The following FGD4 variants were observed in gnomAD, a reference collection of about 807,000 sequenced individuals.
FGD4 encodes FYVE, RhoGEF and PH domain containing 4, also known as FYVE, RhoGEF and PH domain-containing protein 4.
In FGD4, 42 loss-of-function variants were observed where a neutral mutation model predicts 102.0. That is an observed-to-expected ratio of 0.41 (90% CI 0.32 to 0.53). The LOEUF (loss-of-function observed/expected upper bound fraction) is 0.53. Among genes scored for constraint, FGD4 ranks in the 20% least tolerant of loss-of-function variants. The probability of loss-of-function intolerance (pLI) is 0.21; values close to 1 mark genes in which losing one functional copy is unlikely to be tolerated. For synonymous variants in FGD4, 380 were observed against 375.7 expected, an observed-to-expected ratio of 1.01 and a Z score of -0.13; for missense variants, 902 against 1,078.2, an observed-to-expected ratio of 0.84 and a Z score of 2.29.
rs145389138 is a variant in FGD4 at position 32,640,345 on chromosome 12, C to G, written c.2524C>G (p.Leu842Val). 1.2e-6 allele frequency: 2 copies of G among 1,614,174 alleles called. No individual in the cohort carries two copies. Among genetic ancestry groups the G allele is most frequent in the African/African-American group, 2.7e-5 (2 of 75,034 alleles). The change falls in exon 17 of 17, where the codon CTG becomes GTG. Residue 842 changes from leucine to valine, a missense_variant. Coordinates refer to ENST00000534526, the MANE Select transcript of FGD4 (RefSeq NM_001370298.3). ...GGATGAAATGCCAAGGAGCGCAGAC[C>G]TGCCACACAGTTTCAAACTGACCCA... ...VVDEMPRSAD[L>V]PHSFKLTQSK...
intron 1 of FGD4, among the ~76,000 whole-genome samples, chr12:32,414,487 A>G (rs1385298274): frequency 6.6e-6 from 1 of 152,144 alleles, no homozygotes; most frequent in Non-Finnish European, 1.5e-5. Flanking sequence ...ATTATTGACT[A>G]TAGTCACCCT....
intron 1 of FGD4, among the ~76,000 whole-genome samples, chr12:32,500,392 T>TTTTTTTTTTA (rs1555189363): frequency 2.6e-4 from 35 of 135,326 alleles, no homozygotes; most frequent in African/African-American, 8.9e-4. Flanking sequence ...TTTTATTTTA[T>TTTTTTTTTTA]TTTTATTTTA....
At chr12:32,529,583 G>A (rs1189716054) in intron 1 of FGD4, among the ~76,000 whole-genome samples, 12 of 151,558 alleles carry the variant, frequency 7.9e-5, no homozygotes, top group Admixed American at 7.2e-4. Flanking sequence ...GGTAGCTCAC[G>A]CCTGTAATCC....
At position 32,643,412 on chromosome 12, in the gene FGD4, A is replaced by G. The variant is rs1279516199; in HGVS notation, c.*2879A>G. 1 of 152,376 alleles carries G rather than the reference A, an allele frequency of 6.6e-6. No individual in the cohort carries two copies. The highest frequency in any genetic ancestry group is 2.4e-5 in the African/African-American group (1 of 41,450). The allele number at this position is 152,376 out of a possible 1,614,324, so 9.4% of individuals were successfully genotyped here. A position where few individuals can be genotyped will look rare whatever the true frequency, so the allele number is the denominator to read the frequency against. On this transcript the variant is annotated 3_prime_UTR_variant, in exon 17 of 17. Transcript: ENST00000534526. ...GATACGGTAATTCGAATTGCAGAGT[A>G]TAAGGAAGGGAAATGGGAAGGGGCA...
chr12:32,633,748 C>T, intron 15 of FGD4, 59 bp downstream of exon 15: 2 of 1,463,738 alleles, frequency 1.4e-6, no homozygotes, highest in South Asian at 2.3e-5. Context: ...CGGACTCTCG[C>T]TCTGTCACCC....
chr12:32,538,145 G>A (rs1161526366), intron 1 of FGD4, among the ~76,000 whole-genome samples: 1 of 152,114 alleles, frequency 6.6e-6, no homozygotes, highest in African/African-American at 2.4e-5. Context: ...CAATTCACCT[G>A]CCTTGGTTTC....
chr12:32,426,932 C>A (rs1684713013), intron 1 of FGD4, among the ~76,000 whole-genome samples: 1 of 142,724 alleles, frequency 7.0e-6, no homozygotes, highest in South Asian at 2.2e-4. Flanking sequence ...ATTTTTTATT[C>A]TGTCTATCTG....
intron 1 of FGD4, among the ~76,000 whole-genome samples, chr12:32,507,261 G>A (rs901423185): frequency 2.6e-5 from 4 of 152,058 alleles, no homozygotes; most frequent in East Asian, 1.9e-4. Context: ...ACATGAACTT[G>A]TCATTTTTTA....
chr12:32,557,056 T>TTTC (rs1237774930), intron 1 of FGD4: 3 of 152,174 alleles, frequency 2.0e-5, no homozygotes, highest in African/African-American at 7.2e-5. Flanking sequence ...TTTCACCATG[T>TTTC]TTCCCAGGCT....
At chr12:32,592,156 C>T (rs1177364702) in intron 4 of FGD4, among the ~76,000 whole-genome samples, 3 of 150,996 alleles carry the variant, frequency 2.0e-5, no homozygotes, top group African/African-American at 7.3e-5. Context: ...GATCTCGGCT[C>T]ACTGTAGCCT....
At chr12:32,484,724 T>C (rs576614796) in intron 1 of FGD4, among the ~76,000 whole-genome samples, 33 of 151,986 alleles carry the variant, frequency 2.2e-4, no homozygotes, top group African/African-American at 7.0e-4. Context: ...ATACAAAAAT[T>C]AGCCAGACGT....
intron 1 of FGD4, among the ~76,000 whole-genome samples, chr12:32,420,066 G>A (rs529802567): frequency 4.6e-5 from 7 of 152,288 alleles, no homozygotes; most frequent in Admixed American, 1.3e-4. Context: ...TGAGATGGCT[G>A]CCTTTTGTAT....
At chr12:32,446,979 C>T (rs1025429243) in intron 1 of FGD4, among the ~76,000 whole-genome samples, 2 of 152,196 alleles carry the variant, frequency 1.3e-5, no homozygotes, top group African/African-American at 4.8e-5. Flanking sequence ...AGTGTGTTAG[C>T]AGCCTTGGGC....
intron 11 of FGD4, among the ~76,000 whole-genome samples, chr12:32,622,548 T>C (rs566527191): frequency 3.3e-5 from 5 of 152,224 alleles, no homozygotes; most frequent in Non-Finnish European, 2.9e-5. Context: ...TATGCTTATA[T>C]GGTGATATTG....
intron 1 of FGD4, among the ~76,000 whole-genome samples, chr12:32,523,281 G>C (rs1940744626): frequency 1.3e-5 from 2 of 152,192 alleles, no homozygotes; most frequent in South Asian, 4.1e-4. Flanking sequence ...TGCAGTTTTT[G>C]AAAGTGTGGT....
intron 1 of FGD4, chr12:32,485,969 ATTAG>A (rs931614456): frequency 7.9e-5 from 105 of 1,325,330 alleles, no homozygotes; most frequent in Non-Finnish European, 9.7e-5. Context: ...TGTACTTCCC[ATTAG>A]TTAGTTCTTT....
chr12:32,429,108 G>A (rs1468185069), intron 1 of FGD4, among the ~76,000 whole-genome samples: 1 of 151,992 alleles, frequency 6.6e-6, no homozygotes, highest in East Asian at 1.9e-4. Flanking sequence ...GAGGTGTTCT[G>A]GTTTTTGGAA....
At chr12:32,534,384 C>T (rs1942058471) in intron 1 of FGD4, 1 of 1,484,204 alleles carries the variant, frequency 6.7e-7, no homozygotes, top group Non-Finnish European at 8.9e-7. Context: ...TGAAGCTTTA[C>T]AGCCAGGAGT....
At chr12:32,530,951 T>G (rs935294788) in intron 1 of FGD4, among the ~76,000 whole-genome samples, 5 of 128,130 alleles carry the variant, frequency 3.9e-5, no homozygotes, top group Non-Finnish European at 6.5e-5. Flanking sequence ...GTTTTTTTTT[T>G]TTTTTTTTTT....
Sources: allele counts gnomAD v4.1 joint callset (sites outside exome capture counted in the v4.1 genomes callset), GRCh38; gene constraint gnomAD v4.1.1; transcripts MANE v1.5; gene names NCBI Gene and HGNC (gene_info 2026-07-23, HGNC 2026-07-21).